Variants in FMNL3 observed in about 807,000 individuals in gnomAD.
The protein encoded by FMNL3 is formin like 3, also known as formin-like protein 3.
FMNL3 carries 57 observed loss-of-function variants against 119.6 expected under a neutral mutation model. The ratio of observed to expected loss-of-function variants is 0.48; its 90% CI spans 0.39 to 0.59. The LOEUF (loss-of-function observed/expected upper bound fraction) is 0.59. FMNL3 is among the 20% of genes least tolerant of loss of function. The pLI, the probability that FMNL3 is intolerant of heterozygous loss-of-function variation, is 0.00. For missense variants in FMNL3, 1,053 were observed against 1,323.5 expected, an observed-to-expected ratio of 0.80 and a Z score of 3.17; for synonymous variants, 491 against 507.3, an observed-to-expected ratio of 0.97 and a Z score of 0.43.
At position 49,644,498 on chromosome 12, in the gene FMNL3, G is replaced by A. The variant is rs1943072372; in HGVS notation, c.*1317C>T. 1 of 399,392 alleles carries A rather than the reference G, an allele frequency of 2.5e-6. No homozygotes were observed. The highest frequency in any genetic ancestry group is 2.5e-5 in the South Asian group (1 of 40,602). 24.7% of individuals were successfully genotyped at this position (399,392 alleles called of 1,614,324 possible). ...AAGGGGTCTCCAGGGAAGAGTCACAGGCTGTTGGACGCAGCCTGGGTGGCA... is the reference window on the plus strand; with the variant it reads ...AAGGGGTCTCCAGGGAAGAGTCACAAGCTGTTGGACGCAGCCTGGGTGGCA... On this transcript the variant is annotated 3_prime_UTR_variant, in exon 26 of 26. Transcript: ENST00000335154.
At chr12:49,667,961 G>A (rs991111891) in intron 2 of FMNL3, among the ~76,000 whole-genome samples, 4 of 152,126 alleles carry the variant, frequency 2.6e-5, no homozygotes, top group African/African-American at 9.7e-5. Context: ...TCTCAACTCT[G>A]AGCAAAGTAA....
chr12:49,659,345 C>T (rs536158935), intron 5 of FMNL3, among the ~76,000 whole-genome samples: 2 of 152,324 alleles, frequency 1.3e-5, no homozygotes, highest in Admixed American at 6.5e-5. Flanking sequence ...ATAGCCTCTG[C>T]AGGAGTTGAA....
At chr12:49,703,847 G>A (rs764553302) in intron 1 of FMNL3, among the ~76,000 whole-genome samples, 7 of 152,162 alleles carry the variant, frequency 4.6e-5, no homozygotes, top group Non-Finnish European at 8.8e-5. Flanking sequence ...TCCCCAGCGA[G>A]GATACTCTTC....
rs1237309449 is a variant in FMNL3 at position 49,665,839 on chromosome 12, G to T, written c.361C>A (p.His121Asn). 6 of 1,614,078 alleles carry T rather than the reference G, an allele frequency of 3.7e-6. No individual in the cohort carries two copies. The African/African-American group carries it at 8.0e-5, about 22-fold the overall frequency. ...ACGGCCAATCCAACTCACCCAATGT[G>T]GTTGGTGCGAAGAGAGATCTCCAGC... ...RELEISLRTN[H>N]IGWVREFLND... The change falls in exon 4 of 26, where the codon CAC becomes AAC. Residue 121 changes from histidine to asparagine, a missense_variant. By Grantham distance (68) the His-to-Asn change is moderately conservative. Transcript: ENST00000335154.
chr12:49,653,066 A>G (rs1384358207), intron 13 of FMNL3, among the ~76,000 whole-genome samples, 160 bp downstream of exon 13: 1 of 152,156 alleles, frequency 6.6e-6, no homozygotes, highest in Non-Finnish European at 1.5e-5. Flanking sequence ...CAACTAAAAA[A>G]ATGGGGTGAA....
rs761390746 is a variant in FMNL3 at position 49,637,557 on chromosome 12, C to T, written c.*8258G>A. The T allele has an allele frequency of 6.8e-6, 11 of 1,613,860 alleles. No individual in the cohort carries two copies. Among genetic ancestry groups the T allele is most frequent in the South Asian group, 5.5e-5 (5 of 91,084 alleles). The stretch of plus-strand genomic sequence containing the variant: ...ATATCCAGCAGTCAGCACTGATGTC[C>T]GCTTTGCCAACATGCTGGGCCAGCC... On this transcript the variant is annotated 3_prime_UTR_variant, in exon 26 of 26. Coordinates refer to ENST00000335154, the MANE Select transcript of FMNL3 (RefSeq NM_175736.5).
Position 49,643,921 on chromosome 12 carries a change from G to C in FMNL3, c.*1894C>G. The C allele has an allele frequency of 6.2e-7, 1 of 1,614,222 alleles. No homozygotes were observed. Among genetic ancestry groups the C allele is most frequent in the South Asian group, 1.1e-5 (1 of 91,082 alleles). On this transcript the variant is annotated 3_prime_UTR_variant, in exon 26 of 26. Coordinates refer to ENST00000335154, the MANE Select transcript of FMNL3 (RefSeq NM_175736.5). ...AGCTGGCAAGGAGAGCGATGAGAAA[G>C]AACAAGAACAGGACAAGGACAGGGA... is the stretch of plus-strand genomic sequence containing the variant.
Position 49,664,945 on chromosome 12 carries a change from C to T in FMNL3, c.368+887G>A, listed in dbSNP as rs147297405. ...GGCACCCCACCCCCACCTGGGCCTC[C>T]ACTGCTCACTCATAAGCACTGGACA... On this transcript the variant is annotated intron_variant, in intron 4 of 25. Transcript: ENST00000335154. Among the ~76,000 whole-genome samples, 1,387 of 152,114 alleles carry T rather than the reference C, an allele frequency of 9.1e-3. 10 individuals carry two copies. Among genetic ancestry groups the T allele is most frequent in the Middle Eastern group, 0.014 (4 of 294 alleles).
rs771695684 is a variant in FMNL3 at position 49,642,894 on chromosome 12, G to A, written c.*2921C>T. 1.3e-4 allele frequency: 207 copies of A among 1,591,028 alleles called. No homozygotes were observed. The highest frequency in any genetic ancestry group is 1.8e-4 in the Admixed American group (10 of 57,042). ...AGGATCCTTCCTGGGGCTAAGTCTG[G>A]TGCTGTCCTCACCCTTCTTCCTCTG... On this transcript the variant is annotated 3_prime_UTR_variant, in exon 26 of 26. Coordinates refer to ENST00000335154, the MANE Select transcript of FMNL3 (RefSeq NM_175736.5). The surrounding 1 kb of genome is among the most constrained non-coding windows in gnomAD (Gnocchi z 5.8).
At chr12:49,676,684 C>T (rs564020031) in intron 1 of FMNL3, among the ~76,000 whole-genome samples, 1 of 152,116 alleles carries the variant, frequency 6.6e-6, no homozygotes, top group Admixed American at 6.5e-5. Flanking sequence ...CCACCAAGTC[C>T]CTTATTTGGT....
Position 49,647,052 on chromosome 12 carries a change from T to C in FMNL3, c.2872-43A>G, listed in dbSNP as rs777951959. 1.9e-6 allele frequency: 3 copies of C among 1,612,826 alleles called. No homozygotes were observed. The highest frequency in any genetic ancestry group is 1.3e-5 in the African/African-American group (1 of 74,964). ...GAGGGGAAGGAAGTCATCACTAACC[T>C]AATGTGGGACTGGTTCCTGCCCCAA... On this transcript the variant is annotated intron_variant, in intron 24 of 25. Transcript: ENST00000335154. This position sits in a 1 kb window ranked among gnomAD's most constrained non-coding sequence, Gnocchi z 4.9.
At chr12:49,651,638 T>G (rs2138740220) in intron 14 of FMNL3, among the ~76,000 whole-genome samples, 188 bp from the exon 15 acceptor site, 1 of 152,342 alleles carries the variant, frequency 6.6e-6, no homozygotes, top group East Asian at 1.9e-4. Flanking sequence ...GTTGCTGGTC[T>G]CTGACCCAGT....
rs1942948936 is a variant in FMNL3, at chr12:49,643,533, C to T, written c.*2282G>A. ...CCTGTGGAAGTAGAAAGAACTTCCT[C>T]TACCTGCCCAAGCAAGAAGCTGGAG... On this transcript the variant is annotated 3_prime_UTR_variant, in exon 26 of 26. Coordinates refer to ENST00000335154, the MANE Select transcript of FMNL3 (RefSeq NM_175736.5). 1 of 1,373,716 alleles carries T rather than the reference C, an allele frequency of 7.3e-7. No individual in the cohort carries two copies. Among genetic ancestry groups the T allele is most frequent in the Admixed American group, 2.6e-5 (1 of 37,890 alleles). 85.1% of individuals were successfully genotyped at this position (1,373,716 alleles called of 1,614,324 possible). A position where few individuals can be genotyped will look rare whatever the true frequency, so the allele number is the denominator to read the frequency against.
chr12:49,698,522 CCCA>C (rs1241977685), intron 1 of FMNL3, among the ~76,000 whole-genome samples: 4 of 125,538 alleles, frequency 3.2e-5, no homozygotes, highest in Non-Finnish European at 7.1e-5. Flanking sequence ...GCTCCCCACC[CCCA>C]AAAAAAAAAA....
At position 49,642,742 on chromosome 12, in the gene FMNL3, C is replaced by G; in HGVS notation, c.*3073G>C. The G allele has an allele frequency of 6.6e-7, 1 of 1,526,024 alleles. No individual in the cohort carries two copies. Among genetic ancestry groups the G allele is most frequent in the Non-Finnish European group, 8.9e-7 (1 of 1,118,432 alleles). The allele number at this position is 1,526,024 out of a possible 1,614,324, so 94.5% of individuals were successfully genotyped here. On this transcript the variant is annotated 3_prime_UTR_variant, in exon 26 of 26. Coordinates refer to ENST00000335154, the MANE Select transcript of FMNL3 (RefSeq NM_175736.5). The surrounding 1 kb of genome is among the most constrained non-coding windows in gnomAD (Gnocchi z 5.8). Reference sequence around the variant, plus strand: ...ACTCATTAGACCAGTTCAACAGAGACCTCAGTGGCCTCCCTCTTACCCTTA... The same window carrying G: ...ACTCATTAGACCAGTTCAACAGAGAGCTCAGTGGCCTCCCTCTTACCCTTA...
At chr12:49,666,753 T>C (rs1034796809) in intron 2 of FMNL3, among the ~76,000 whole-genome samples, 13 of 151,860 alleles carry the variant, frequency 8.6e-5, no homozygotes, top group African/African-American at 7.3e-5. Context: ...GATATGATCA[T>C]GCCATTGCAC....
chr12:49,671,265 A>G (rs1944039122), intron 1 of FMNL3, among the ~76,000 whole-genome samples: 1 of 152,258 alleles, frequency 6.6e-6, no homozygotes, highest in African/African-American at 2.4e-5. Flanking sequence ...TGGAAGAGGC[A>G]CAGCAGGGAC....
chr12:49,685,972 C>T (rs927264752), intron 1 of FMNL3, among the ~76,000 whole-genome samples: 1 of 152,112 alleles, frequency 6.6e-6, no homozygotes, highest in Non-Finnish European at 1.5e-5. Context: ...GAGGCTGAGG[C>T]ACGAGAATCA....
rs1214037508 is a variant in FMNL3 at position 49,645,840 on chromosome 12, G to T, written c.3059C>A (p.Pro1020His). ...TCAGTGGGGGCCTGGAGCCCGAGGGGGACCACTGGGCGGTGCAGCACTCCT... is the reference window on the plus strand; with the variant it reads ...TCAGTGGGGGCCTGGAGCCCGAGGGTGACCACTGGGCGGTGCAGCACTCCT... The part of the protein sequence containing the change: ...QARSAAPPSG[P>H]PRAPGPH The change falls in exon 26 of 26, where the codon CCC becomes CAC. Residue 1020 changes from proline to histidine, a missense_variant. Pro to His is a moderately conservative substitution (Grantham distance 77). Transcript: ENST00000335154. 1 of 1,603,212 alleles carries T rather than the reference G, an allele frequency of 6.2e-7. No homozygotes were observed. The highest frequency in any genetic ancestry group is 1.8e-5 in the Admixed American group (1 of 56,904).
Sources: gnomAD v4.1 joint callset for allele counts (sites outside exome capture counted in the v4.1 genomes callset) on GRCh38, gnomAD v4.1.1 for gene constraint, Gnocchi (gnomAD v3.1) non-coding constraint, MANE v1.5 for transcripts, NCBI Gene and HGNC (gene_info 2026-07-23, HGNC 2026-07-21) for gene names.